The following NUSAP1 variants were observed in gnomAD, a reference collection of about 807,000 sequenced individuals.
NUSAP1 encodes nucleolar and spindle-associated protein 1.
NUSAP1 carries 32 observed loss-of-function variants against 52.8 expected under a neutral mutation model. The ratio of observed to expected loss-of-function variants is 0.61; its 90% CI spans 0.46 to 0.81. NUSAP1 has a LOEUF of 0.81. NUSAP1 is among the 40% of genes least tolerant of loss of function. NUSAP1 has a pLI of 0.00. For missense variants in NUSAP1, 499 were observed against 522.3 expected (o/e 0.96, Z 0.43); for synonymous variants, 195 against 183.1 (o/e 1.06, Z -0.52).
chr15:41,343,863 A>G (rs2048456458), intron 2 of NUSAP1, among the ~76,000 whole-genome samples: 1 of 152,096 alleles, frequency 6.6e-6, no homozygotes, highest in Non-Finnish European at 1.5e-5. Context: ...TCTAGCTTTA[A>G]AAGTTTCTAT....
rs72739633 is a variant in NUSAP1 at position 41,352,921 on chromosome 15, T to G, written c.448+1792T>G. Among the ~76,000 whole-genome samples, 728 of 152,216 alleles carry G rather than the reference T, an allele frequency of 4.8e-3. 3 individuals are homozygous for G. The highest frequency in any genetic ancestry group is 8.3e-3 in the Non-Finnish European group (565 of 68,026). On this transcript the variant is annotated intron_variant, in intron 4 of 10. Coordinates refer to ENST00000559596, the MANE Select transcript of NUSAP1 (RefSeq NM_016359.5). ...TGGTTTGTCTAATATGTCCTCATGC[T>G]TAGAATCAGACTATGGGCTGTTGGC...
At chr15:41,379,325 T>TA (rs2050118191) in intron 10 of NUSAP1, among the ~76,000 whole-genome samples, 1 of 151,748 alleles carries the variant, frequency 6.6e-6, no homozygotes, top group Non-Finnish European at 1.5e-5. Context: ...GACAGGGTCT[T>TA]ACTTTTTGTC....
chr15:41,375,725 C>T lies in NUSAP1; in HGVS notation c.1020C>T (p.Phe340=), dbSNP rs1345065025. 1 of 1,611,408 alleles carries T rather than the reference C, an allele frequency of 6.2e-7. No individual in the cohort carries two copies. Among genetic ancestry groups the T allele is most frequent in the African/African-American group, 1.3e-5 (1 of 74,982 alleles). The change falls in exon 9 of 11, where the codon TTC becomes TTT. Residue 340 remains phenylalanine (F), a synonymous_variant. Coordinates refer to ENST00000559596, the MANE Select transcript of NUSAP1 (RefSeq NM_016359.5). ...GTGTGTTTTTAGTTATTACCCCATT[C>T]AAGTTGACAACTGAGGCAACGCAGA... ...TGNSAAVITP[F]KLTTEATQTP...
chr15:41,377,234 T>TA lies in NUSAP1; in HGVS notation c.1163dup (p.Tyr388Ter). The change falls in exon 10 of 11, where the codon TAT becomes TAAT. Residue 388 changes from tyrosine to a stop codon, truncating the protein, a stop_gained and frameshift_variant. Coordinates refer to ENST00000559596, the MANE Select transcript of NUSAP1 (RefSeq NM_016359.5). LOFTEE classifies it high-confidence loss of function. ...KPWGQSKENN[Y>*]LNQHVNRINF... ...ATGGGGGCAATCTAAAGAAAATAAT[T>TA]ATCTAAATCAACATGTCAACAGAAT... is the stretch of plus-strand genomic sequence containing the variant. 2 of 1,538,388 alleles carry TA rather than the reference T, an allele frequency of 1.3e-6. No homozygotes were observed. Among genetic ancestry groups the TA allele is most frequent in the Non-Finnish European group, 1.8e-6 (2 of 1,139,640 alleles).
intron 5 of NUSAP1, among the ~76,000 whole-genome samples, chr15:41,357,735 A>G (rs1035453281): frequency 2.0e-5 from 3 of 152,128 alleles, no homozygotes; most frequent in Non-Finnish European, 4.4e-5. Context: ...TTGAGCCACC[A>G]TGACCAGCCA....
At chr15:41,340,703 C>T (rs1175661295) in intron 1 of NUSAP1, among the ~76,000 whole-genome samples, 1 of 152,112 alleles carries the variant, frequency 6.6e-6, no homozygotes, top group East Asian at 1.9e-4. Flanking sequence ...ATCAAGAATG[C>T]CTGAATTCTG....
chr15:41,351,405 G>A (rs1457010039), intron 4 of NUSAP1, among the ~76,000 whole-genome samples: 1 of 152,138 alleles, frequency 6.6e-6, no homozygotes, highest in East Asian at 1.9e-4. Flanking sequence ...GCTTGCAGCT[G>A]CATCATTACC....
chr15:41,354,738 G>A (rs577074373), intron 4 of NUSAP1, among the ~76,000 whole-genome samples: 6 of 151,374 alleles, frequency 4.0e-5, no homozygotes, highest in African/African-American at 1.5e-4. Context: ...CGGGGTCAGG[G>A]CAGGGCGCGG....
chr15:41,332,921 A>G lies in NUSAP1; in HGVS notation c.-37A>G. The G allele has an allele frequency of 6.6e-7, 1 of 1,522,928 alleles. No individual in the cohort carries two copies. 94.3% of individuals were successfully genotyped at this position (1,522,928 alleles called of 1,614,324 possible). On this transcript the variant is annotated 5_prime_UTR_variant, in exon 1 of 11. Coordinates refer to ENST00000559596, the MANE Select transcript of NUSAP1 (RefSeq NM_016359.5). ...TGAACCGCGCTGACGAAGTTTGGTG[A>G]TCCATCTTCCGAGTATCGCCGGGAT... is the stretch of plus-strand genomic sequence containing the variant.
intron 3 of NUSAP1, among the ~76,000 whole-genome samples, 156 bp from the exon 4 acceptor site, chr15:41,350,832 A>C (rs550993263): frequency 6.6e-6 from 1 of 152,260 alleles, no homozygotes; most frequent in East Asian, 1.9e-4. Flanking sequence ...TTCTCGTGAC[A>C]GTTGATAAGG....
chr15:41,360,428 T>G (rs937754688), intron 6 of NUSAP1, among the ~76,000 whole-genome samples: 5 of 152,138 alleles, frequency 3.3e-5, no homozygotes, highest in Non-Finnish European at 5.9e-5. Context: ...GCAATTCTCC[T>G]GCCTCAGCCT....
chr15:41,337,601 A>G (rs2048206157), intron 1 of NUSAP1, among the ~76,000 whole-genome samples: 1 of 152,040 alleles, frequency 6.6e-6, no homozygotes, highest in Non-Finnish European at 1.5e-5. Context: ...CTACTGCCCT[A>G]TTTCTCTGTT....
chr15:41,345,528 C>T (rs916643633), intron 2 of NUSAP1: 12 of 405,136 alleles, frequency 3.0e-5, no homozygotes, highest in Non-Finnish European at 4.7e-5. Flanking sequence ...GACACGATCT[C>T]GGCTCACCGC....
intron 6 of NUSAP1, among the ~76,000 whole-genome samples, chr15:41,359,365 T>C (rs1263367452): frequency 1.3e-5 from 2 of 152,174 alleles, no homozygotes; most frequent in Admixed American, 6.6e-5. Flanking sequence ...CTCAAAATAA[T>C]GTAAGTTTAT....
chr15:41,334,979 T>TTATTAATAA, intron 1 of NUSAP1, among the ~76,000 whole-genome samples: 1 of 152,258 alleles, frequency 6.6e-6, no homozygotes, highest in East Asian at 1.9e-4. Context: ...ATGTTAATAA[T>TTATTAATAA]TACTGAAACT....
At chr15:41,362,092 A>G (rs982960677) in intron 6 of NUSAP1, among the ~76,000 whole-genome samples, 6 of 152,028 alleles carry the variant, frequency 3.9e-5, no homozygotes, top group Non-Finnish European at 8.8e-5. Flanking sequence ...GCTCATGCCT[A>G]TTATCCCACC....
intron 1 of NUSAP1, among the ~76,000 whole-genome samples, chr15:41,334,107 TTTA>T (rs772185917): frequency 3.5e-5 from 5 of 143,926 alleles, no homozygotes; most frequent in Non-Finnish European, 6.3e-5. Context: ...CAATTTTTTT[TTTA>T]TTTGTTTGTT....
intron 7 of NUSAP1, among the ~76,000 whole-genome samples, chr15:41,368,056 CA>C (rs1207180229): frequency 6.6e-6 from 1 of 152,146 alleles, no homozygotes; most frequent in African/African-American, 2.4e-5. Flanking sequence ...AAGCTGTCTC[CA>C]AAAATAAAAT....
chr15:41,342,384 A>C lies in NUSAP1; in HGVS notation c.94-2A>C. The C allele has an allele frequency of 6.3e-7, 1 of 1,580,606 alleles. No individual in the cohort carries two copies. Among genetic ancestry groups the C allele is most frequent in the Non-Finnish European group, 8.6e-7 (1 of 1,159,658 alleles). The stretch of plus-strand genomic sequence containing the variant: ...GCTCTAATAATAAGGTCTCTCTTGC[A>C]GGCAACCAAGTTGTTAAAAGCCTTG... On this transcript the variant is annotated splice_acceptor_variant, in intron 1 of 10. Transcript: ENST00000559596. LOFTEE classifies it high-confidence loss of function.
Sources: allele counts gnomAD v4.1 joint callset (sites outside exome capture counted in the v4.1 genomes callset), GRCh38; gene constraint gnomAD v4.1.1; transcripts MANE v1.5; gene names NCBI Gene and HGNC (gene_info 2026-07-23, HGNC 2026-07-21).